The following HSD17B12 variants were observed in gnomAD, a reference collection of about 807,000 sequenced individuals.
HSD17B12 encodes the protein very-long-chain 3-oxoacyl-CoA reductase.
Under a neutral mutation model 39.3 loss-of-function variants are expected in HSD17B12, and 32 were observed. That is an observed-to-expected ratio of 0.81 (90% CI 0.61 to 1.09). HSD17B12 has a LOEUF of 1.09. Ranked by LOEUF, HSD17B12 falls within the 50% of genes least tolerant of loss-of-function variation. HSD17B12 has a pLI of 0.00. For synonymous variants in HSD17B12, 150 were observed against 146.7 expected (o/e 1.02, Z -0.16); for missense variants, 342 against 382.9 (o/e 0.89, Z 0.89).
chr11:43,840,091 A>G (rs916010468), intron 9 of HSD17B12, 27 bp downstream of exon 9: 1 of 1,594,060 alleles, frequency 6.3e-7, no homozygotes, highest in African/African-American at 1.3e-5. Flanking sequence ...TCACTTAAGT[A>G]TCCCTGTTTT....
At chr11:43,776,640 T>A (rs1950707526) in intron 3 of HSD17B12, among the ~76,000 whole-genome samples, 1 of 152,248 alleles carries the variant, frequency 6.6e-6, no homozygotes, top group African/African-American at 2.4e-5. Context: ...TTGGCTTTTA[T>A]TGCCATTGCT....
intron 1 of HSD17B12, among the ~76,000 whole-genome samples, chr11:43,690,687 C>A (rs1172163627): frequency 1.3e-5 from 2 of 151,852 alleles, no homozygotes; most frequent in Middle Eastern, 3.4e-3. Context: ...TATAGAGTAA[C>A]CTCAGGACGA....
intron 3 of HSD17B12, among the ~76,000 whole-genome samples, chr11:43,775,975 A>G (rs974294661): frequency 2.6e-5 from 4 of 152,102 alleles, no homozygotes; most frequent in African/African-American, 9.7e-5. Context: ...TCCATGGTGT[A>G]TATGTACCAC....
At chr11:43,779,114 C>G (rs1590292653) in intron 3 of HSD17B12, among the ~76,000 whole-genome samples, 1 of 152,044 alleles carries the variant, frequency 6.6e-6, no homozygotes, top group Non-Finnish European at 1.5e-5. Context: ...TTATGGCTTG[C>G]CTTACATTTC....
intron 3 of HSD17B12, among the ~76,000 whole-genome samples, chr11:43,788,248 G>A (rs1433290701): frequency 6.6e-6 from 1 of 152,168 alleles, no homozygotes; most frequent in East Asian, 1.9e-4. Flanking sequence ...AACAAAGAGA[G>A]AGAAGTAACT....
At chr11:43,757,702 A>G (rs895633342) in intron 3 of HSD17B12, among the ~76,000 whole-genome samples, 1 of 138,862 alleles carries the variant, frequency 7.2e-6, no homozygotes, top group African/African-American at 2.8e-5. Flanking sequence ...AAACCAAACC[A>G]AAAAAAGCAC....
At chr11:43,619,720 G>C in the HSD17B12 span, among the ~76,000 whole-genome samples, 1 of 152,032 alleles carries the variant, frequency 6.6e-6, no homozygotes, top group Non-Finnish European at 1.5e-5. Context: ...CAACAGAATA[G>C]CTGGATCATG....
At chr11:43,734,078 C>T (rs1950294139) in intron 1 of HSD17B12, 2 of 995,834 alleles carry the variant, frequency 2.0e-6, no homozygotes, top group Non-Finnish European at 3.2e-6. Context: ...ATATCTTCAC[C>T]AGCATCGGAG....
chr11:43,577,779 C>T, the HSD17B12 span, among the ~76,000 whole-genome samples: 4 of 152,216 alleles, frequency 2.6e-5, 1 homozygote, highest in Admixed American at 2.6e-4. Flanking sequence ...GTGCGATGCG[C>T]AGAGAATCCA....
intron 1 of HSD17B12, among the ~76,000 whole-genome samples, chr11:43,690,385 TATATATATATATATA>T (rs1389893504): frequency 0.013 from 203 of 15,112 alleles, 23 homozygotes; most frequent in African/African-American, 0.041. Context: ...TATATATATA[TATATATATATATATA>T]TATATTTTTT....
chr11:43,805,351 T>G (rs1290716585), intron 4 of HSD17B12, among the ~76,000 whole-genome samples: 1 of 152,216 alleles, frequency 6.6e-6, no homozygotes, highest in Non-Finnish European at 1.5e-5. Context: ...CAGTTGGCTA[T>G]TTTAGTTAGT....
chr11:43,592,371 AG>A, the HSD17B12 span, among the ~76,000 whole-genome samples: 1 of 152,178 alleles, frequency 6.6e-6, no homozygotes, highest in Non-Finnish European at 1.5e-5. Context: ...GAATTAATAA[AG>A]TTTATGGAAA....
At chr11:43,613,844 T>C in the HSD17B12 span, among the ~76,000 whole-genome samples, 2 of 152,086 alleles carry the variant, frequency 1.3e-5, no homozygotes, top group African/African-American at 2.4e-5. Context: ...TTTTTGTATT[T>C]TTAGTAGAGC....
At chr11:43,560,019 A>C in the HSD17B12 span, among the ~76,000 whole-genome samples, 6 of 152,326 alleles carry the variant, frequency 3.9e-5, no homozygotes, top group African/African-American at 1.4e-4. Flanking sequence ...TAGAATCGTC[A>C]TGGTGGTTTT....
At chr11:43,630,145 G>A in the HSD17B12 span, among the ~76,000 whole-genome samples, 1 of 152,096 alleles carries the variant, frequency 6.6e-6, no homozygotes, top group African/African-American at 2.4e-5. Flanking sequence ...ACTATTAAAT[G>A]AGGTAAACAT....
the HSD17B12 span, among the ~76,000 whole-genome samples, chr11:43,599,493 C>T: frequency 6.6e-6 from 1 of 152,042 alleles, no homozygotes; most frequent in African/African-American, 2.4e-5. Flanking sequence ...GTCATGGGGG[C>T]TTTTTGTACA....
intron 8 of HSD17B12, among the ~76,000 whole-genome samples, chr11:43,839,200 G>T (rs1009185092): frequency 6.6e-6 from 1 of 151,972 alleles, no homozygotes; most frequent in Non-Finnish European, 1.5e-5. Flanking sequence ...GCAAAACTCC[G>T]ACTTCTTTTT....
At chr11:43,663,214 C>G in the HSD17B12 span, among the ~76,000 whole-genome samples, 1 of 152,180 alleles carries the variant, frequency 6.6e-6, no homozygotes, top group African/African-American at 2.4e-5. Context: ...ATTATCTTGC[C>G]TCAGAACTCG....
rs748634208 is a variant in HSD17B12 at position 43,840,113 on chromosome 11, C to T, written c.684+49C>T. On this transcript the variant is annotated intron_variant, in intron 9 of 10. Coordinates refer to ENST00000278353, the MANE Select transcript of HSD17B12 (RefSeq NM_016142.3). Reference sequence around the variant, plus strand: ...AGTATCCCTGTTTTTGTGTGGTTTCCAGAGCAACTGTTGCTGTCTTGGCAA... The same window carrying T: ...AGTATCCCTGTTTTTGTGTGGTTTCTAGAGCAACTGTTGCTGTCTTGGCAA... 9 of 1,477,562 alleles carry T rather than the reference C, an allele frequency of 6.1e-6. No individual in the cohort carries two copies. The South Asian group carries it at 1.1e-4, about 17-fold the overall frequency. The allele number at this position is 1,477,562 out of a possible 1,614,324, so 91.5% of individuals were successfully genotyped here.
Sources: gnomAD v4.1 joint callset for allele counts (sites outside exome capture counted in the v4.1 genomes callset) on GRCh38, gnomAD v4.1.1 for gene constraint, MANE v1.5 for transcripts, NCBI Gene and HGNC (gene_info 2026-07-23, HGNC 2026-07-21) for gene names.